R3HDM1: variants seen among roughly 807,000 people sequenced by gnomAD.
The protein encoded by R3HDM1 is R3H domain containing 1, also known as R3H domain-containing protein 1.
In R3HDM1, 46 loss-of-function variants were observed where a neutral mutation model predicts 141.1. The ratio of observed to expected loss-of-function variants is 0.33; its 90% CI spans 0.26 to 0.42. The LOEUF (loss-of-function observed/expected upper bound fraction) is 0.42, where lower values mean the gene tolerates loss of function less well. R3HDM1 is among the 10% of genes least tolerant of loss of function. The pLI is 1.00. For missense variants in R3HDM1, 1,184 were observed against 1,368.3 expected, an observed-to-expected ratio of 0.87 and a Z score of 2.12; for synonymous variants, 435 against 472.9, an observed-to-expected ratio of 0.92 and a Z score of 1.04.
At position 135,602,765 on chromosome 2, in the gene R3HDM1, A is replaced by G. The variant is rs1033044672; in HGVS notation, c.-41+57A>G. 2.1e-5 allele frequency: 29 copies of G among 1,354,848 alleles called. No homozygotes were observed. In the South Asian group the frequency reaches 2.4e-4, roughly 11 times the overall value. 83.9% of individuals were successfully genotyped at this position (1,354,848 alleles called of 1,614,324 possible). A position where few individuals can be genotyped will look rare whatever the true frequency, so the allele number is the denominator to read the frequency against. On this transcript the variant is annotated intron_variant, in intron 2 of 26. Transcript: ENST00000683871. ...TTTTTCTTACAAAATCTCACCTATAAAAAGCAAGAAGCCAGTGTCTTAAGT... is the reference window on the plus strand; with the variant it reads ...TTTTTCTTACAAAATCTCACCTATAGAAAGCAAGAAGCCAGTGTCTTAAGT...
chr2:135,628,062 A>G (rs1036296960), intron 7 of R3HDM1, among the ~76,000 whole-genome samples: 1 of 152,182 alleles, frequency 6.6e-6, no homozygotes, highest in Non-Finnish European at 1.5e-5. Flanking sequence ...TAGAAGTTTT[A>G]GTTTGTGCCT....
At chr2:135,651,704 T>C (rs1266980896) in intron 17 of R3HDM1, 26 bp from the exon 18 acceptor site, 3 of 1,579,042 alleles carry the variant, frequency 1.9e-6, no homozygotes, top group African/African-American at 2.7e-5. Flanking sequence ...GAAGGCTTAC[T>C]AATTTTTGAC....
At chr2:135,670,302 C>T (rs2105330480) in intron 19 of R3HDM1, 1 of 984,950 alleles carries the variant, frequency 1.0e-6, no homozygotes, top group East Asian at 1.1e-4. Flanking sequence ...CTAGAGCAGA[C>T]ACAGGAAGCT....
chr2:135,692,401 A>G (rs2072551883), intron 21 of R3HDM1, among the ~76,000 whole-genome samples: 1 of 152,112 alleles, frequency 6.6e-6, no homozygotes, highest in Non-Finnish European at 1.5e-5. Flanking sequence ...GGAGTTCTAG[A>G]CCACCCTGGC....
At chr2:135,621,151 TC>T (rs1443869548) in intron 5 of R3HDM1, among the ~76,000 whole-genome samples, 4 of 152,038 alleles carry the variant, frequency 2.6e-5, no homozygotes, top group Non-Finnish European at 5.9e-5. Flanking sequence ...TTGCTTGGCA[TC>T]TTCCTTGCAA....
At position 135,724,344 on chromosome 2, in the gene R3HDM1, T is replaced by G; in HGVS notation, c.*52T>G. On this transcript the variant is annotated 3_prime_UTR_variant, in exon 27 of 27. Transcript: ENST00000683871. ...ATGGTTCCCCTGCCCTCTCCCATCT[T>G]TGATTGGCTTGGTATTTGGAGCTTC... 1 of 1,338,804 alleles carries G rather than the reference T, an allele frequency of 7.5e-7. No individual in the cohort carries two copies. The highest frequency in any genetic ancestry group is 1.0e-6 in the Non-Finnish European group (1 of 969,882). The allele number at this position is 1,338,804 out of a possible 1,614,324, so 82.9% of individuals were successfully genotyped here.
intron 13 of R3HDM1, 36 bp from the exon 14 acceptor site, chr2:135,638,860 G>T (rs1167476659): frequency 3.1e-6 from 5 of 1,611,694 alleles, no homozygotes; most frequent in Middle Eastern, 1.7e-4. Flanking sequence ...TTGTTCCCCT[G>T]CATTAGCTTT....
chr2:135,646,645 C>T (rs1174097097), intron 16 of R3HDM1, among the ~76,000 whole-genome samples: 4 of 151,012 alleles, frequency 2.6e-5, no homozygotes, highest in East Asian at 4.0e-4. Context: ...GTCAGGAGTT[C>T]GAGCCCAGCC....
chr2:135,697,626 T>C (rs778959164), intron 21 of R3HDM1, among the ~76,000 whole-genome samples: 1 of 152,212 alleles, frequency 6.6e-6, no homozygotes, highest in Admixed American at 6.5e-5. Context: ...CTCACAGATA[T>C]GATACTGAGT....
chr2:135,598,140 A>G (rs1413115318), intron 1 of R3HDM1, among the ~76,000 whole-genome samples: 1 of 152,154 alleles, frequency 6.6e-6, no homozygotes, highest in Non-Finnish European at 1.5e-5. Flanking sequence ...TTAACCATGC[A>G]TATTTATCAT....
chr2:135,707,840 C>T (rs2075130775), intron 21 of R3HDM1, among the ~76,000 whole-genome samples: 1 of 152,192 alleles, frequency 6.6e-6, no homozygotes, highest in Non-Finnish European at 1.5e-5. Flanking sequence ...GTACTGTTTT[C>T]ACTTATGATC....
chr2:135,549,580 A>C (rs1344763932), intron 1 of R3HDM1, among the ~76,000 whole-genome samples: 3 of 146,276 alleles, frequency 2.1e-5, no homozygotes, highest in South Asian at 4.2e-4. Context: ...AAAAAAAAAA[A>C]ACAAAAACAA....
At chr2:135,705,547 G>A (rs62168836) in intron 21 of R3HDM1, among the ~76,000 whole-genome samples, 31,013 of 151,846 alleles carry the variant, frequency 0.2, 3,717 homozygotes, top group East Asian at 0.45. Context: ...GAGGCAGGAG[G>A]ATCACTTGAG....
Position 135,715,678 on chromosome 2 carries a change from T to C in R3HDM1, c.2865T>C (p.Pro955=), listed in dbSNP as rs1379621976. Reference sequence around the variant, plus strand: ...CCATCATGCCCCAATTTTCTAGACCTTTTGTCCCCGGGCAAGGTAAGTGCA... The same window carrying C: ...CCATCATGCCCCAATTTTCTAGACCCTTTGTCCCCGGGCAAGGTAAGTGCA... ...PLSIMPQFSR[P]FVPGQGDSRY... is the part of the protein sequence containing the mutation. The change falls in exon 24 of 27, where the codon CCT becomes CCC. Residue 955 remains proline (P), a synonymous_variant. Coordinates refer to ENST00000683871, the MANE Select transcript of R3HDM1 (RefSeq NM_001378107.1). The C allele has an allele frequency of 6.2e-7, 1 of 1,613,072 alleles. No homozygotes were observed. The highest frequency in any genetic ancestry group is 1.7e-5 in the Admixed American group (1 of 59,846).
rs2066703796 is a variant in R3HDM1 at position 135,661,491 on chromosome 2, G to A, written c.2152+98G>A. ...AGATAGTACCTACTCAGTCTCTCAG[G>A]ATCTCGAATATGTTCATACATATGA... On this transcript the variant is annotated intron_variant, in intron 19 of 26. Transcript: ENST00000683871. The A allele has an allele frequency of 1.7e-5, 25 of 1,430,006 alleles. No individual in the cohort carries two copies. The South Asian group carries it at 3.0e-4, about 17-fold the overall frequency. 88.6% of individuals were successfully genotyped at this position (1,430,006 alleles called of 1,614,324 possible).
At chr2:135,552,284 C>T (rs111241322) in intron 1 of R3HDM1, among the ~76,000 whole-genome samples, 3 of 151,972 alleles carry the variant, frequency 2.0e-5, no homozygotes, top group Admixed American at 6.6e-5. Context: ...CAACCTCTGC[C>T]TCCCGAGTTC....
intron 23 of R3HDM1, 68 bp downstream of exon 23, chr2:135,710,299 G>A (rs2075468885): frequency 6.8e-7 from 1 of 1,477,504 alleles, no homozygotes; most frequent in Non-Finnish European, 9.2e-7. Context: ...GACTTATAAG[G>A]CTTGAATTTG....
chr2:135,574,096 A>G (rs1704793834), intron 1 of R3HDM1, among the ~76,000 whole-genome samples: 1 of 152,190 alleles, frequency 6.6e-6, no homozygotes, highest in Non-Finnish European at 1.5e-5. Flanking sequence ...TAAAATTATA[A>G]AATAGACAAA....
chr2:135,712,892 G>A (rs2075811037), intron 23 of R3HDM1, among the ~76,000 whole-genome samples: 1 of 151,868 alleles, frequency 6.6e-6, no homozygotes, highest in Admixed American at 6.6e-5. Context: ...CTGCACTCCA[G>A]CCTGGGCAAC....
Sources: allele counts gnomAD v4.1 joint callset (sites outside exome capture counted in the v4.1 genomes callset), GRCh38; gene constraint gnomAD v4.1.1; transcripts MANE v1.5; gene names NCBI Gene and HGNC (gene_info 2026-07-23, HGNC 2026-07-21).